Variants in PTPRG observed in about 807,000 individuals in gnomAD.
PTPRG encodes the protein receptor-type tyrosine-protein phosphatase gamma.
In PTPRG, 102 loss-of-function variants were observed where a neutral mutation model predicts 165.3. The ratio of observed to expected loss-of-function variants is 0.62; its 90% CI spans 0.53 to 0.73. The LOEUF (loss-of-function observed/expected upper bound fraction) is 0.73. Ranked by LOEUF, PTPRG falls within the 30% of genes least tolerant of loss-of-function variation. The pLI is 0.00. For missense variants in PTPRG, 1,866 were observed against 1,861.4 expected, an observed-to-expected ratio of 1.00 and a Z score of -0.05; for synonymous variants, 675 against 669.5, an observed-to-expected ratio of 1.01 and a Z score of -0.13.
intron 8 of PTPRG, among the ~76,000 whole-genome samples, chr3:62,185,239 G>A (rs529971758): frequency 1.3e-5 from 2 of 152,332 alleles, no homozygotes; most frequent in East Asian, 3.9e-4. Flanking sequence ...TCGGACCCCA[G>A]TGGGAACATA....
intron 12 of PTPRG, among the ~76,000 whole-genome samples, chr3:62,205,655 C>A (rs1250451800): frequency 6.6e-6 from 1 of 152,012 alleles, no homozygotes; most frequent in African/African-American, 2.4e-5. Flanking sequence ...GGTCCAGAGA[C>A]CCTACAGTGG....
At chr3:62,000,761 C>G (rs1271069997) in intron 3 of PTPRG, among the ~76,000 whole-genome samples, 1 of 152,190 alleles carries the variant, frequency 6.6e-6, no homozygotes, top group East Asian at 1.9e-4. Flanking sequence ...GAGAGTTACA[C>G]CTGTGTGGCC....
At chr3:62,250,067 AG>A (rs1190308900) in intron 15 of PTPRG, among the ~76,000 whole-genome samples, 2 of 152,236 alleles carry the variant, frequency 1.3e-5, no homozygotes, top group African/African-American at 4.8e-5. Context: ...ACTAAATGCC[AG>A]GCACTCTTAT....
chr3:61,567,817 C>T (rs1435584297), intron 1 of PTPRG, among the ~76,000 whole-genome samples: 1 of 151,852 alleles, frequency 6.6e-6, no homozygotes, highest in African/African-American at 2.4e-5. Context: ...GACCTCATCT[C>T]TACAAAAAAT....
chr3:61,570,765 A>G (rs553094657), intron 1 of PTPRG, among the ~76,000 whole-genome samples: 1 of 152,346 alleles, frequency 6.6e-6, no homozygotes, highest in East Asian at 1.9e-4. Context: ...AGAACTTTTT[A>G]AGAATTGTCA....
At chr3:61,727,009 T>A (rs1010866250) in intron 1 of PTPRG, among the ~76,000 whole-genome samples, 2 of 148,896 alleles carry the variant, frequency 1.3e-5, no homozygotes, top group African/African-American at 5.0e-5. Flanking sequence ...ATTGTGCCAC[T>A]GCAGTCCAGC....
chr3:62,171,877 C>G (rs1048813481), intron 8 of PTPRG, among the ~76,000 whole-genome samples: 1 of 152,158 alleles, frequency 6.6e-6, no homozygotes, highest in African/African-American at 2.4e-5. Flanking sequence ...CTGTAGCAAT[C>G]ACTCCCATTC....
chr3:61,605,538 G>C (rs558660387), intron 1 of PTPRG, among the ~76,000 whole-genome samples: 2 of 151,514 alleles, frequency 1.3e-5, no homozygotes, highest in Admixed American at 6.6e-5. Flanking sequence ...TTACAGGTGT[G>C]AGCCACCACA....
At position 62,214,120 on chromosome 3, in the gene PTPRG, G is replaced by A. The variant is rs930201006; in HGVS notation, c.2156-4731G>A. ...GCTCTTTACCAGCAATCTCATCATAGGCAGCCCTTTGTGCTGATACTCAGC... is the reference window on the plus strand; with the variant it reads ...GCTCTTTACCAGCAATCTCATCATAAGCAGCCCTTTGTGCTGATACTCAGC... On this transcript the variant is annotated intron_variant, in intron 12 of 29. Transcript: ENST00000474889. The surrounding 1 kb of genome is among the most constrained non-coding windows in gnomAD (Gnocchi z 5.2). Among the ~76,000 whole-genome samples the A allele has an allele frequency of 1.3e-5, 2 of 152,188 alleles. No individual in the cohort carries two copies. The highest frequency in any genetic ancestry group is 2.9e-5 in the Non-Finnish European group (2 of 68,024).
intron 2 of PTPRG, among the ~76,000 whole-genome samples, chr3:61,826,979 C>T (rs1397563054): frequency 1.3e-5 from 2 of 152,102 alleles, no homozygotes; most frequent in African/African-American, 4.8e-5. Context: ...ATCCCGCCCT[C>T]TTCTAAGTTG....
At chr3:61,738,177 C>T (rs1042791632) in intron 1 of PTPRG, among the ~76,000 whole-genome samples, 4 of 148,890 alleles carry the variant, frequency 2.7e-5, no homozygotes, top group Non-Finnish European at 5.9e-5. Context: ...GGATTACAGG[C>T]ATGAGCCACC....
At chr3:61,987,963 A>G (rs1196654747) in intron 2 of PTPRG, among the ~76,000 whole-genome samples, 2 of 152,196 alleles carry the variant, frequency 1.3e-5, no homozygotes, top group East Asian at 3.8e-4. Flanking sequence ...CATCACAGTC[A>G]TAGGGAATTT....
At chr3:61,716,475 A>C (rs1450486107) in intron 1 of PTPRG, among the ~76,000 whole-genome samples, 1 of 152,198 alleles carries the variant, frequency 6.6e-6, no homozygotes, top group Non-Finnish European at 1.5e-5. Context: ...TCAGGAACAC[A>C]TGGATAAAGA....
intron 2 of PTPRG, among the ~76,000 whole-genome samples, chr3:61,811,868 C>G (rs555895843): frequency 6.6e-6 from 1 of 152,154 alleles, no homozygotes; most frequent in Non-Finnish European, 1.5e-5. Flanking sequence ...TGTTCCTCTG[C>G]CAGTACCAGA....
intron 2 of PTPRG, among the ~76,000 whole-genome samples, chr3:61,915,277 ACTTAT>A (rs886532008): frequency 3.5e-4 from 53 of 152,314 alleles, no homozygotes; most frequent in African/African-American, 1.2e-3. Flanking sequence ...AGATTTTGAA[ACTTAT>A]CTTAAGATAA....
chr3:62,110,270 G>T (rs1407766461), intron 5 of PTPRG, among the ~76,000 whole-genome samples: 1 of 151,934 alleles, frequency 6.6e-6, no homozygotes, highest in East Asian at 1.9e-4. Context: ...AAAGAGATGT[G>T]CTAAGAGAGA....
At chr3:62,017,676 G>C (rs1033870726) in intron 4 of PTPRG, among the ~76,000 whole-genome samples, 1 of 150,604 alleles carries the variant, frequency 6.6e-6, no homozygotes, top group African/African-American at 2.4e-5. Context: ...CGCCCGCCTC[G>C]GCCTCCCAAA....
At chr3:61,834,334 A>G (rs189833580) in intron 2 of PTPRG, among the ~76,000 whole-genome samples, 5 of 152,264 alleles carry the variant, frequency 3.3e-5, no homozygotes, top group Middle Eastern at 3.4e-3. Context: ...TTTCTCAAAG[A>G]TACTACCCTG....
chr3:61,873,773 A>C (rs1277589979), intron 2 of PTPRG, among the ~76,000 whole-genome samples: 1 of 152,154 alleles, frequency 6.6e-6, no homozygotes, highest in Non-Finnish European at 1.5e-5. Flanking sequence ...GATTAAGTTC[A>C]GTTGACGCAG....
Sources: allele counts gnomAD v4.1 joint callset (sites outside exome capture counted in the v4.1 genomes callset), GRCh38; gene constraint gnomAD v4.1.1; non-coding constraint Gnocchi (gnomAD v3.1); transcripts MANE v1.5; gene names NCBI Gene and HGNC (gene_info 2026-07-23, HGNC 2026-07-21).